RSL24D1: variants seen among roughly 807,000 people sequenced by gnomAD.
RSL24D1 encodes the protein ribosomal L24 domain containing 1.
Under a neutral mutation model 26.2 loss-of-function variants are expected in RSL24D1, and 6 were observed. The ratio of observed to expected loss-of-function variants is 0.23; its 90% CI spans 0.13 to 0.45. The LOEUF (loss-of-function observed/expected upper bound fraction) is 0.45, where lower values mean the gene tolerates loss of function less well. Ranked by LOEUF, RSL24D1 falls within the 20% of genes least tolerant of loss-of-function variation. The pLI is 0.99. For synonymous variants in RSL24D1, 61 were observed against 59.1 expected (o/e 1.03, Z -0.15); for missense variants, 176 against 202.6 (o/e 0.87, Z 0.80).
chr15:55,183,196 G>A, intron 5 of RSL24D1, 119 bp downstream of exon 5: 3 of 682,358 alleles, frequency 4.4e-6, no homozygotes, highest in East Asian at 5.7e-5. Flanking sequence ...CATTTTTATA[G>A]GCCAAATCAT....
intron 1 of RSL24D1, chr15:55,194,003 C>T (rs1486005684): frequency 6.6e-6 from 1 of 152,136 alleles, no homozygotes; most frequent in Non-Finnish European, 1.5e-5. Flanking sequence ...AAGCAAAAGC[C>T]TCCCACATTT....
At chr15:55,191,206 T>A (rs1432110948) in intron 2 of RSL24D1, among the ~76,000 whole-genome samples, 159 bp from the exon 3 acceptor site, 1 of 152,168 alleles carries the variant, frequency 6.6e-6, no homozygotes, top group Non-Finnish European at 1.5e-5. Flanking sequence ...AAATTTTTTC[T>A]CCTTTACACA....
chr15:55,195,429 C>G (rs1894344629), intron 1 of RSL24D1: 1 of 152,112 alleles, frequency 6.6e-6, no homozygotes, highest in Non-Finnish European at 1.5e-5. Flanking sequence ...CTTTTATTTC[C>G]TCCAACAACT....
chr15:55,182,354 A>T lies in RSL24D1; in HGVS notation c.419-129T>A, dbSNP rs117367525. ...AGCCACTCCTAAGAAATTTAATAGT[A>T]GCTAAACTAACATAGGTCTTATGAT... On this transcript the variant is annotated intron_variant, in intron 5 of 5. Coordinates refer to ENST00000260443, the MANE Select transcript of RSL24D1 (RefSeq NM_016304.3). 7.3e-3 allele frequency: 4,650 copies of T among 635,168 alleles called. 22 individuals are homozygous for T. Among genetic ancestry groups the T allele is most frequent in the Non-Finnish European group, 9.8e-3 (3,424 of 350,088 alleles). 39.3% of individuals were successfully genotyped at this position (635,168 alleles called of 1,614,324 possible). A position where few individuals can be genotyped will look rare whatever the true frequency, so the allele number is the denominator to read the frequency against.
chr15:55,182,350 T>C (rs565580222), intron 5 of RSL24D1, 125 bp from the exon 6 acceptor site: 30 of 644,722 alleles, frequency 4.7e-5, no homozygotes, highest in African/African-American at 3.8e-4. Flanking sequence ...AGAAATTTAA[T>C]AGTAGCTAAA....
At position 55,185,576 on chromosome 15, in the gene RSL24D1, A is replaced by G; in HGVS notation, c.269-151T>C. 3 of 590,546 alleles carry G rather than the reference A, an allele frequency of 5.1e-6. No individual in the cohort carries two copies. In the South Asian group the frequency reaches 7.2e-5, roughly 14 times the overall value. The allele number at this position is 590,546 out of a possible 1,614,324, so 36.6% of individuals were successfully genotyped here. A position where few individuals can be genotyped will look rare whatever the true frequency, so the allele number is the denominator to read the frequency against. On this transcript the variant is annotated intron_variant, in intron 3 of 5. Coordinates refer to ENST00000260443, the MANE Select transcript of RSL24D1 (RefSeq NM_016304.3). ...AAAACAATCCCTACTCAAAAAGCTG[A>G]AGAAGGTGTATACTCCTGGCCATCA...
rs150383984 is a variant in RSL24D1, at chr15:55,182,999, G to C, written c.418+316C>G. 5.9e-5 allele frequency among the ~76,000 whole-genome samples: 9 copies of C among 152,220 alleles called. No individual in the cohort carries two copies. In the East Asian group the frequency reaches 1.7e-3, roughly 29 times the overall value. On this transcript the variant is annotated intron_variant, in intron 5 of 5. Transcript: ENST00000260443. ...GTAATTCTGATACCAACCAAAGTTT[G>C]AGAACCACTAATAAAAAATATAGTC...
At chr15:55,184,076 A>G (rs1894198771) in intron 4 of RSL24D1, among the ~76,000 whole-genome samples, 1 of 152,212 alleles carries the variant, frequency 6.6e-6, no homozygotes, top group South Asian at 2.1e-4. Flanking sequence ...TAGTTTTCAA[A>G]CATTTTTGTG....
At chr15:55,187,686 C>T (rs1188449717) in intron 3 of RSL24D1, among the ~76,000 whole-genome samples, 2 of 151,622 alleles carry the variant, frequency 1.3e-5, no homozygotes, top group Non-Finnish European at 2.9e-5. Flanking sequence ...TAAGCAGGGG[C>T]TAAGCTATGG....
Position 55,185,429 on chromosome 15 carries a change from CA to C in RSL24D1, c.269-5del. 6.2e-6 allele frequency: 10 copies of C among 1,601,382 alleles called. No homozygotes were observed. The highest frequency in any genetic ancestry group is 3.5e-5 in the Admixed American group (2 of 56,928). ...TCAACTCTCTTCATCGCATCAACTA[CA>C]AAAAAATTCATGAGTTAGCAAATGT... On this transcript the variant is annotated splice_region_variant and splice_polypyrimidine_tract_variant and intron_variant, in intron 3 of 5. Transcript: ENST00000260443.
intron 3 of RSL24D1, among the ~76,000 whole-genome samples, chr15:55,189,408 C>T (rs1457964804): frequency 6.6e-6 from 1 of 151,974 alleles, no homozygotes; most frequent in Non-Finnish European, 1.5e-5. Context: ...AAGGAAAAGA[C>T]CTTATTTTTT....
intron 1 of RSL24D1, among the ~76,000 whole-genome samples, chr15:55,193,786 T>C (rs777901340): frequency 3.3e-5 from 5 of 152,160 alleles, no homozygotes; most frequent in South Asian, 2.1e-4. Context: ...TCCAGGCCCA[T>C]ACCTCCTACA....
chr15:55,181,666 G>A lies in RSL24D1; in HGVS notation c.*486C>T, dbSNP rs183469646. 6.4e-5 allele frequency: 10 copies of A among 155,252 alleles called. No homozygotes were observed. The highest frequency in any genetic ancestry group is 2.2e-4 in the African/African-American group (9 of 41,574). 9.6% of individuals were successfully genotyped at this position (155,252 alleles called of 1,614,324 possible). ...AGGCTTCATCAAACAATGTCATTAT[G>A]CTCTTCTAAGATGCAAATAAACCAA... On this transcript the variant is annotated 3_prime_UTR_variant, in exon 6 of 6. Transcript: ENST00000260443.
intron 4 of RSL24D1, 60 bp downstream of exon 4, chr15:55,185,302 T>A (rs1281066678): frequency 7.6e-7 from 1 of 1,307,858 alleles, no homozygotes; most frequent in East Asian, 2.5e-5. Flanking sequence ...AAAATACTAA[T>A]GCCTCTAAAT....
intron 2 of RSL24D1, among the ~76,000 whole-genome samples, chr15:55,191,931 A>G (rs1301078420): frequency 6.6e-6 from 1 of 152,230 alleles, no homozygotes; most frequent in Non-Finnish European, 1.5e-5. Context: ...TTCCAGAATG[A>G]AAATTATTTT....
chr15:55,182,194 T>C lies in RSL24D1; in HGVS notation c.450A>G (p.Val150=). The C allele has an allele frequency of 6.2e-7, 1 of 1,608,528 alleles. No homozygotes were observed. Among genetic ancestry groups the C allele is most frequent in the South Asian group, 1.1e-5 (1 of 90,810 alleles). The part of the protein sequence containing the change: ...GKGKQLEEKM[V]QQLQEDVDME... Reference sequence around the variant, plus strand: ...TGTCCACATCCTCTTGTAACTGCTGTACCATTTTCTCTTCCAACTGTTTCC... The same window carrying C: ...TGTCCACATCCTCTTGTAACTGCTGCACCATTTTCTCTTCCAACTGTTTCC... Residue 150 remains valine, a synonymous_variant, in exon 6 of 6, where the codon GTA becomes GTG. Coordinates refer to ENST00000260443, the MANE Select transcript of RSL24D1 (RefSeq NM_016304.3).
At chr15:55,184,153 A>T (rs992265091) in intron 4 of RSL24D1, among the ~76,000 whole-genome samples, 1 of 152,232 alleles carries the variant, frequency 6.6e-6, no homozygotes, top group African/African-American at 2.4e-5. Flanking sequence ...CATATTCCAT[A>T]GCAATTAATT....
chr15:55,188,700 C>T (rs1403555291), intron 3 of RSL24D1, among the ~76,000 whole-genome samples: 1 of 152,196 alleles, frequency 6.6e-6, no homozygotes. Flanking sequence ...AATAACATGA[C>T]ACCAGCATGG....
At chr15:55,191,790 T>C (rs1000405235) in intron 2 of RSL24D1, among the ~76,000 whole-genome samples, 6 of 152,210 alleles carry the variant, frequency 3.9e-5, no homozygotes, top group African/African-American at 1.4e-4. Context: ...CTATTTCTTT[T>C]ATATATACAC....
Sources: gnomAD v4.1 joint callset for allele counts (sites outside exome capture counted in the v4.1 genomes callset) on GRCh38, gnomAD v4.1.1 for gene constraint, MANE v1.5 for transcripts, NCBI Gene and HGNC (gene_info 2026-07-23, HGNC 2026-07-21) for gene names.